Variants in ANXA8 observed in about 807,000 individuals in gnomAD.
ANXA8 encodes the protein VAC-beta.
A neutral mutation model predicts 26.8 loss-of-function variants in ANXA8; 9 were observed. The ratio of observed to expected loss-of-function variants is 0.34; its 90% CI spans 0.20 to 0.59. ANXA8 has a LOEUF of 0.59. Ranked by LOEUF, ANXA8 falls within the 20% of genes least tolerant of loss-of-function variation. ANXA8 has a pLI of 0.84. For missense variants in ANXA8, 83 were observed against 238.5 expected (o/e 0.35, Z 4.29); for synonymous variants, 39 against 94.8 (o/e 0.41, Z 3.42).
chr10:47,569,764 T>TGTTTTG, the ANXA8 span: 64 of 109,168 alleles, frequency 5.9e-4, no homozygotes, highest in African/African-American at 7.1e-3. Flanking sequence ...TTTTTTTTTT[T>TGTTTTG]TTTTGAGACA....
the ANXA8 span, among the ~76,000 whole-genome samples, chr10:47,949,349 A>G: frequency 2.7e-5 from 4 of 149,714 alleles, no homozygotes; most frequent in South Asian, 2.1e-4. Context: ...TCAACCCCTT[A>G]TAAGAGACAA....
the ANXA8 span, among the ~76,000 whole-genome samples, chr10:47,700,650 A>G: frequency 6.6e-6 from 1 of 151,892 alleles, no homozygotes; most frequent in Admixed American, 6.6e-5. Flanking sequence ...AAACTGATAC[A>G]TTTTACTGTA....
At chr10:47,506,662 CAG>C in the ANXA8 span, among the ~76,000 whole-genome samples, 1 of 142,678 alleles carries the variant, frequency 7.0e-6, no homozygotes, top group Non-Finnish European at 1.5e-5. Context: ...TTTGTTTAGA[CAG>C]AGTCTTGCTC....
chr10:47,623,056 T>G, the ANXA8 span, among the ~76,000 whole-genome samples: 2 of 112,554 alleles, frequency 1.8e-5, no homozygotes, highest in Non-Finnish European at 3.9e-5. Flanking sequence ...CCTTTATTTT[T>G]CTTACTCTAT....
the ANXA8 span, among the ~76,000 whole-genome samples, chr10:47,733,143 ATCTTTCT>A: frequency 3.4e-4 from 33 of 98,138 alleles, no homozygotes; most frequent in Middle Eastern, 5.8e-3. Context: ...CAACTCCCTA[ATCTTTCT>A]TTCTTTCTTT....
the ANXA8 span, among the ~76,000 whole-genome samples, chr10:47,669,499 C>A: frequency 6.6e-6 from 1 of 151,594 alleles, no homozygotes; most frequent in Non-Finnish European, 1.5e-5. Flanking sequence ...CAGGTAGACT[C>A]CTTGCATCTG....
At chr10:47,675,384 T>C in the ANXA8 span, among the ~76,000 whole-genome samples, 129 of 151,524 alleles carry the variant, frequency 8.5e-4, 1 homozygote, top group African/African-American at 3.1e-3. Context: ...CATTCTACTC[T>C]AGTATACATG....
the ANXA8 span, among the ~76,000 whole-genome samples, chr10:47,603,205 A>G: frequency 1.7e-4 from 25 of 146,920 alleles, 1 homozygote; most frequent in Non-Finnish European, 2.8e-4. Flanking sequence ...TAACAAAAAT[A>G]AAATATAACA....
chr10:47,777,792 A>AT, the ANXA8 span, among the ~76,000 whole-genome samples: 705 of 150,282 alleles, frequency 4.7e-3, 7 homozygotes, highest in African/African-American at 0.017. Flanking sequence ...CAGCTTAAAC[A>AT]TTTTTTTTTA....
chr10:47,495,008 A>G, the ANXA8 span, among the ~76,000 whole-genome samples: 1 of 151,086 alleles, frequency 6.6e-6, no homozygotes, highest in Non-Finnish European at 1.5e-5. Flanking sequence ...ATCAGTAGAA[A>G]GATGTGGCCA....
the ANXA8 span, among the ~76,000 whole-genome samples, chr10:47,950,768 A>T: frequency 3.3e-3 from 503 of 151,190 alleles, 6 homozygotes; most frequent in African/African-American, 0.012. Context: ...GATATTTTAA[A>T]ATAATTTTTC....
the ANXA8 span, among the ~76,000 whole-genome samples, chr10:47,639,230 TC>T: frequency 6.7e-6 from 1 of 148,334 alleles, no homozygotes; most frequent in Non-Finnish European, 1.5e-5. Context: ...CCTCCCGGGT[TC>T]ACACCATTCT....
At chr10:47,685,087 C>A in the ANXA8 span, among the ~76,000 whole-genome samples, 1 of 149,844 alleles carries the variant, frequency 6.7e-6, no homozygotes, top group Non-Finnish European at 1.5e-5. Flanking sequence ...TGGCTCATGC[C>A]TCTAATCTCA....
upstream of ANXA8, chr10:47,487,347 G>A (rs1203553586): frequency 7.4e-5 from 54 of 726,210 alleles, no homozygotes; most frequent in Non-Finnish European, 1.0e-4. Flanking sequence ...TCACTGTCTC[G>A]GTGATTTCCT....
chr10:47,564,785 G>A, the ANXA8 span: 5 of 815,108 alleles, frequency 6.1e-6, no homozygotes, highest in African/African-American at 3.8e-5. Context: ...GCAGGAAGAC[G>A]TCCTGAACAA....
the ANXA8 span, among the ~76,000 whole-genome samples, chr10:47,539,893 T>TC: frequency 8.2e-6 from 1 of 121,734 alleles, no homozygotes; most frequent in Admixed American, 8.2e-5. Flanking sequence ...ATGCTCTACT[T>TC]CACAAGTTAA....
chr10:47,627,954 T>C, the ANXA8 span, among the ~76,000 whole-genome samples: 1 of 149,868 alleles, frequency 6.7e-6, no homozygotes, highest in Non-Finnish European at 1.5e-5. Flanking sequence ...TAAATATATT[T>C]CTGCTCTTAT....
At chr10:47,672,516 A>G in the ANXA8 span, among the ~76,000 whole-genome samples, 1 of 151,558 alleles carries the variant, frequency 6.6e-6, no homozygotes, top group East Asian at 1.9e-4. Flanking sequence ...TTTATAAAGA[A>G]TCATATTTGC....
chr10:47,699,344 CAAAAAAAAAAAAA>C, the ANXA8 span, among the ~76,000 whole-genome samples: 1 of 54,204 alleles, frequency 1.8e-5, no homozygotes, highest in Non-Finnish European at 3.4e-5. Context: ...ATTCTGTCTC[CAAAAAAAAAAAAA>C]AAAAAAAAAA....
Sources: gnomAD v4.1 joint callset for allele counts (sites outside exome capture counted in the v4.1 genomes callset) on GRCh38, gnomAD v4.1.1 for gene constraint, MANE v1.5 for transcripts, NCBI Gene and HGNC (gene_info 2026-07-23, HGNC 2026-07-21) for gene names.